Variants in TAB2 observed in about 807,000 individuals in gnomAD.
The protein encoded by TAB2 is TGF-beta-activated kinase 1 and MAP3K7-binding protein 2.
Under a neutral mutation model 65.0 loss-of-function variants are expected in TAB2, and 3 were observed. That is an observed-to-expected ratio of 0.05 (90% CI 0.02 to 0.12). The LOEUF is 0.12. Among genes scored for constraint, TAB2 ranks in the 10% least tolerant of loss-of-function variants. The pLI is 1.00. For synonymous variants in TAB2, 298 were observed against 285.1 expected, an observed-to-expected ratio of 1.05 and a Z score of -0.46; for missense variants, 623 against 840.3, an observed-to-expected ratio of 0.74 and a Z score of 3.20.
chr6:149,339,165 A>C (rs1395093966), intron 1 of TAB2, among the ~76,000 whole-genome samples: 2 of 152,198 alleles, frequency 1.3e-5, no homozygotes, highest in African/African-American at 2.4e-5. Context: ...GGAGATCAAG[A>C]CCATCCTGGC....
intron 1 of TAB2, among the ~76,000 whole-genome samples, chr6:149,368,769 C>T (rs1331237189): frequency 1.3e-5 from 2 of 151,686 alleles, no homozygotes; most frequent in African/African-American, 4.8e-5. Flanking sequence ...AAGCTAAAGC[C>T]ACATAGATAA....
At chr6:149,352,397 C>T (rs1412126577) in intron 1 of TAB2, among the ~76,000 whole-genome samples, 4 of 152,108 alleles carry the variant, frequency 2.6e-5, no homozygotes, top group Admixed American at 2.6e-4. Context: ...TTTTCTTCCC[C>T]TAGTTATTTC....
chr6:149,248,459 G>GAAAA (rs763657461), intron 1 of TAB2, among the ~76,000 whole-genome samples: 21 of 144,932 alleles, frequency 1.4e-4, no homozygotes, highest in Middle Eastern at 3.7e-3. Flanking sequence ...AAGAAAAGAA[G>GAAAA]GAAGGAAGGA....
intron 1 of TAB2, among the ~76,000 whole-genome samples, chr6:149,231,427 C>T (rs1398237912): frequency 6.6e-6 from 1 of 152,140 alleles, no homozygotes; most frequent in Non-Finnish European, 1.5e-5. Flanking sequence ...CTGTAAATTG[C>T]ATGTATGTAT....
intron 1 of TAB2, among the ~76,000 whole-genome samples, chr6:149,275,124 T>C (rs541918576): frequency 8.2e-6 from 1 of 121,432 alleles, no homozygotes; most frequent in East Asian, 2.3e-4. Flanking sequence ...TCTCTTCTTC[T>C]GTTTTTTTTT....
At chr6:149,239,843 G>A (rs1777565531) in intron 1 of TAB2, among the ~76,000 whole-genome samples, 1 of 152,194 alleles carries the variant, frequency 6.6e-6, no homozygotes, top group African/African-American at 2.4e-5. Context: ...TGTCTTCGCA[G>A]AGATGATAGC....
At chr6:149,245,484 T>C (rs556246360) in intron 1 of TAB2, 1 of 152,220 alleles carries the variant, frequency 6.6e-6, no homozygotes, top group Non-Finnish European at 1.5e-5. Context: ...TTCTTCTTCC[T>C]TTTGATATAT....
chr6:149,384,058 C>CTT (rs1273089771), intron 3 of TAB2, among the ~76,000 whole-genome samples: 13 of 152,080 alleles, frequency 8.5e-5, no homozygotes, highest in Non-Finnish European at 1.6e-4. Context: ...TTTCTAAACT[C>CTT]TGAGTGGTAT....
intron 3 of TAB2, among the ~76,000 whole-genome samples, chr6:149,382,028 G>A (rs1331540865): frequency 1.3e-5 from 2 of 152,106 alleles, no homozygotes; most frequent in Non-Finnish European, 2.9e-5. Context: ...ATATGCATCA[G>A]ATCATATCAC....
chr6:149,240,553 G>GCAT (rs35731147), intron 1 of TAB2, among the ~76,000 whole-genome samples: 42,007 of 151,624 alleles, frequency 0.28, 6,500 homozygotes, highest in Admixed American at 0.38. Flanking sequence ...TAGAATAATA[G>GCAT]CATCATCATC....
Position 149,371,065 on chromosome 6 carries a change from C to CAAAAA in TAB2, c.102+987_102+991dup, listed in dbSNP as rs33926884. ...TGGGAAACAGAGAGAGACCCTATCT[C>CAAAAA]AAAAAAAAAAAAAAAAAAAAAAAAA... On this transcript the variant is annotated intron_variant, in intron 2 of 6. Coordinates refer to ENST00000637181, the MANE Select transcript of TAB2 (RefSeq NM_001292034.3). Among the ~76,000 whole-genome samples the CAAAAA allele has an allele frequency of 1.7e-3, 119 of 71,980 alleles. 4 individuals are homozygous for CAAAAA. The South Asian group carries it at 0.021, about 13-fold the overall frequency. 47.2% of individuals were successfully genotyped at this position (71,980 alleles called of 152,430 possible). A position where few individuals can be genotyped will look rare whatever the true frequency, so the allele number is the denominator to read the frequency against.
Position 149,317,990 on chromosome 6 carries a change from GGA to G in TAB2, c.-113_-112del. Reference sequence around the variant, plus strand: ...CGGCGGCGGCGGCGGCCGAGGAGGAGGAGGGGGAAGCGGCGGCGGCAAAGGGT... The same window carrying G: ...CGGCGGCGGCGGCGGCCGAGGAGGAGGGGGGAAGCGGCGGCGGCAAAGGGT... On this transcript the variant is annotated 5_prime_UTR_variant, in exon 1 of 7. Transcript: ENST00000637181. This position sits in a 1 kb window ranked among gnomAD's most constrained non-coding sequence, Gnocchi z 4.7. 5.8e-6 allele frequency: 1 copy of G among 172,182 alleles called. No individual in the cohort carries two copies. Among genetic ancestry groups the G allele is most frequent in the African/African-American group, 2.4e-5 (1 of 41,656 alleles). 10.7% of individuals were successfully genotyped at this position (172,182 alleles called of 1,614,324 possible). A position where few individuals can be genotyped will look rare whatever the true frequency, so the allele number is the denominator to read the frequency against.
At chr6:149,275,240 G>GAA (rs1487252341) in intron 1 of TAB2, among the ~76,000 whole-genome samples, 1 of 81,828 alleles carries the variant, frequency 1.2e-5, no homozygotes. Context: ...GAGAGAGAAA[G>GAA]AAAGAAAGAA....
At chr6:149,395,496 C>A (rs1050093606) in intron 3 of TAB2, among the ~76,000 whole-genome samples, 3 of 152,164 alleles carry the variant, frequency 2.0e-5, no homozygotes, top group African/African-American at 7.2e-5. Context: ...TAGCACAGAT[C>A]CCTAAATACT....
chr6:149,368,680 T>TGTGTGTGTG (rs1781121778), intron 1 of TAB2, among the ~76,000 whole-genome samples: 1 of 149,262 alleles, frequency 6.7e-6, no homozygotes, highest in South Asian at 2.1e-4. Context: ...TGTGTGTGTG[T>TGTGTGTGTG]TTACACAGAA....
At chr6:149,267,269 A>G (rs1031890598) in intron 1 of TAB2, among the ~76,000 whole-genome samples, 1 of 152,064 alleles carries the variant, frequency 6.6e-6, no homozygotes, top group Non-Finnish European at 1.5e-5. Flanking sequence ...CAAACAGGAA[A>G]CAGCATCCAG....
intron 1 of TAB2, among the ~76,000 whole-genome samples, chr6:149,258,040 T>C (rs777117523): frequency 2.6e-5 from 4 of 152,178 alleles, no homozygotes; most frequent in African/African-American, 4.8e-5. Flanking sequence ...GAAGTTGAGA[T>C]AGCAGAGGGA....
intron 1 of TAB2, among the ~76,000 whole-genome samples, chr6:149,336,915 A>C (rs937426076): frequency 4.3e-5 from 2 of 46,870 alleles, no homozygotes; most frequent in African/African-American, 6.2e-5. Context: ...GGCTGCATGC[A>C]TTTAGATAAA....
chr6:149,352,680 G>A (rs1269788683), intron 1 of TAB2, among the ~76,000 whole-genome samples: 2 of 152,160 alleles, frequency 1.3e-5, no homozygotes, highest in African/African-American at 2.4e-5. Flanking sequence ...TCAACTAGCG[G>A]TCTTGTAGGA....
Sources: gnomAD v4.1 joint callset for allele counts (sites outside exome capture counted in the v4.1 genomes callset) on GRCh38, gnomAD v4.1.1 for gene constraint, Gnocchi (gnomAD v3.1) non-coding constraint, MANE v1.5 for transcripts, NCBI Gene and HGNC (gene_info 2026-07-23, HGNC 2026-07-21) for gene names.